AKAIN1: variants seen among roughly 807,000 people sequenced by gnomAD.
AKAIN1 encodes the protein A-kinase anchor inhibitor 1.
A neutral mutation model predicts 3.7 loss-of-function variants in AKAIN1; 3 were observed. The ratio of observed to expected loss-of-function variants is 0.82; its 90% CI spans 0.37 to 2.12. The LOEUF is 2.12. Ranked by LOEUF, AKAIN1 falls within the 30% of genes most tolerant of loss-of-function variation. The probability of loss-of-function intolerance (pLI) is 0.06; values close to 1 mark genes in which losing one functional copy is unlikely to be tolerated. For missense variants in AKAIN1, 82 were observed against 82.7 expected (o/e 0.99, Z 0.03); for synonymous variants, 31 against 30.8 (o/e 1.01, Z -0.02).
At chr18:5,155,986 A>G (rs1027233819) in intron 1 of AKAIN1, among the ~76,000 whole-genome samples, 1 of 152,174 alleles carries the variant, frequency 6.6e-6, no homozygotes, top group Non-Finnish European at 1.5e-5. Context: ...GTACATCCAC[A>G]GCACTTTCTG....
intron 1 of AKAIN1, among the ~76,000 whole-genome samples, chr18:5,194,904 A>G (rs1271363185): frequency 1.3e-5 from 2 of 152,218 alleles, no homozygotes; most frequent in African/African-American, 2.4e-5. Flanking sequence ...GGATTCCCAG[A>G]TTATTATAGA....
At chr18:5,179,734 G>A (rs1042751979) in intron 1 of AKAIN1, among the ~76,000 whole-genome samples, 1 of 152,098 alleles carries the variant, frequency 6.6e-6, no homozygotes, top group Non-Finnish European at 1.5e-5. Context: ...TAAACTTCAA[G>A]GGCTTAAGTT....
At chr18:5,179,964 C>T (rs539561440) in intron 1 of AKAIN1, among the ~76,000 whole-genome samples, 1 of 152,098 alleles carries the variant, frequency 6.6e-6, no homozygotes, top group South Asian at 2.1e-4. Flanking sequence ...ACAAACAGAG[C>T]CCCATGCTTG....
intron 1 of AKAIN1, among the ~76,000 whole-genome samples, chr18:5,171,277 G>A (rs1391856591): frequency 2.0e-5 from 3 of 152,092 alleles, no homozygotes; most frequent in Admixed American, 6.6e-5. Context: ...TAGTCATTCT[G>A]GGCAAGGATT....
intron 1 of AKAIN1, among the ~76,000 whole-genome samples, chr18:5,194,214 C>G (rs1282272568): frequency 6.6e-6 from 1 of 152,086 alleles, no homozygotes; most frequent in East Asian, 1.9e-4. Context: ...AAGTAATTAA[C>G]TCCTTAAAAA....
At chr18:5,171,439 A>G (rs2143349062) in intron 1 of AKAIN1, among the ~76,000 whole-genome samples, 1 of 152,246 alleles carries the variant, frequency 6.6e-6, no homozygotes, top group East Asian at 1.9e-4. Context: ...CAAACTTCCC[A>G]TCTGACAATG....
intron 1 of AKAIN1, among the ~76,000 whole-genome samples, chr18:5,185,046 C>T (rs1192866423): frequency 6.6e-6 from 1 of 151,984 alleles, no homozygotes; most frequent in Non-Finnish European, 1.5e-5. Context: ...TTACTGCACA[C>T]CTACCACCAC....
chr18:5,164,244 G>A (rs1383197726), intron 1 of AKAIN1, among the ~76,000 whole-genome samples: 1 of 152,014 alleles, frequency 6.6e-6, no homozygotes, highest in Non-Finnish European at 1.5e-5. Flanking sequence ...AAGATGGAAA[G>A]GATGACAAAC....
At chr18:5,147,403 G>A (rs1321522318) in intron 1 of AKAIN1, among the ~76,000 whole-genome samples, 6 of 152,156 alleles carry the variant, frequency 3.9e-5, no homozygotes, top group Admixed American at 3.9e-4. Context: ...CTACCATTTG[G>A]TTGAAGGGCA....
At chr18:5,192,541 C>A (rs1221488798) in intron 1 of AKAIN1, among the ~76,000 whole-genome samples, 1 of 151,948 alleles carries the variant, frequency 6.6e-6, no homozygotes, top group Non-Finnish European at 1.5e-5. Context: ...ATTGGGGTTA[C>A]AGAAGGTGCT....
At chr18:5,165,484 A>G (rs1193980884) in intron 1 of AKAIN1, among the ~76,000 whole-genome samples, 1 of 151,836 alleles carries the variant, frequency 6.6e-6, no homozygotes, top group African/African-American at 2.4e-5. Flanking sequence ...AAATAATGAC[A>G]CTCTTGTACC....
Position 5,145,655 on chromosome 18 carries a change from C to T in AKAIN1, c.117G>A (p.Gln39=). Residue 39 remains glutamine, a synonymous_variant, in exon 2 of 2, where the codon CAG becomes CAA. Transcript: ENST00000434239. The part of the protein sequence containing the change: ...AILQAVQQVS[Q]ESQRREERIS... Reference sequence around the variant, plus strand: ...TTCTCTCTTCTCTGCGCTGACTCTCCTGGGAGACTTGCTGCACAGCTTGCA... The same window carrying T: ...TTCTCTCTTCTCTGCGCTGACTCTCTTGGGAGACTTGCTGCACAGCTTGCA... 3 of 1,551,698 alleles carry T rather than the reference C, an allele frequency of 1.9e-6. No individual in the cohort carries two copies. Among genetic ancestry groups the T allele is most frequent in the Non-Finnish European group, 2.6e-6 (3 of 1,146,960 alleles).
chr18:5,190,860 C>A (rs965953955), intron 1 of AKAIN1, among the ~76,000 whole-genome samples: 1 of 152,146 alleles, frequency 6.6e-6, no homozygotes. Context: ...GTCCCACCCC[C>A]ACGACCTCTT....
chr18:5,189,818 C>A (rs548380047), intron 1 of AKAIN1, among the ~76,000 whole-genome samples: 3 of 152,008 alleles, frequency 2.0e-5, no homozygotes, highest in African/African-American at 7.2e-5. Context: ...GCAATACAGA[C>A]TTTTCTAGTC....
At position 5,145,627 on chromosome 18, in the gene AKAIN1, T is replaced by C; in HGVS notation, c.145A>G (p.Ser49Gly). 1 of 1,551,694 alleles carries C rather than the reference T, an allele frequency of 6.4e-7. No individual in the cohort carries two copies. Among genetic ancestry groups the C allele is most frequent in the South Asian group, 1.2e-5 (1 of 84,058 alleles). ...QESQRREERI[S>G]DNRDHIQLGV... ...AGTTGGATGTGGTCCCGGTTGTCACTGATTCTCTCTTCTCTGCGCTGACTC... is the reference window on the plus strand; with the variant it reads ...AGTTGGATGTGGTCCCGGTTGTCACCGATTCTCTCTTCTCTGCGCTGACTC... Residue 49 changes from serine to glycine, a missense_variant, in exon 2 of 2, where the codon AGT becomes GGT. By Grantham distance (56) the Ser-to-Gly change is moderately conservative (BLOSUM62 0). Transcript: ENST00000434239.
chr18:5,162,625 CGTGTGTGTGTGTGTGTGTGT>C (rs150673471), intron 1 of AKAIN1, among the ~76,000 whole-genome samples: 2 of 145,776 alleles, frequency 1.4e-5, no homozygotes, highest in Admixed American at 6.9e-5. Context: ...CAATGTGATG[CGTGTGTGTGTGTGTGTGTGT>C]GTGTGTGTGT....
chr18:5,160,943 A>G (rs2071135593), intron 1 of AKAIN1, among the ~76,000 whole-genome samples: 1 of 152,066 alleles, frequency 6.6e-6, no homozygotes, highest in African/African-American at 2.4e-5. Context: ...TGTCTTAAAT[A>G]CTAGTACTTT....
At chr18:5,167,764 A>G (rs1041321798) in intron 1 of AKAIN1, among the ~76,000 whole-genome samples, 3 of 151,884 alleles carry the variant, frequency 2.0e-5, no homozygotes, top group Non-Finnish European at 4.4e-5. Context: ...TTACTTTTTC[A>G]TCTAGCCTTT....
chr18:5,167,515 C>T (rs1340178119), intron 1 of AKAIN1, among the ~76,000 whole-genome samples: 1 of 152,048 alleles, frequency 6.6e-6, no homozygotes, highest in African/African-American at 2.4e-5. Context: ...GTATATGCCA[C>T]ATCAATGTAG....
Sources: allele counts gnomAD v4.1 joint callset (sites outside exome capture counted in the v4.1 genomes callset), GRCh38; gene constraint gnomAD v4.1.1; transcripts MANE v1.5; gene names NCBI Gene and HGNC (gene_info 2026-07-23, HGNC 2026-07-21).